NUDCD2: variants seen among roughly 807,000 people sequenced by gnomAD.
NUDCD2 encodes the protein NudC domain containing 2, also known as nudC domain-containing protein 2.
NUDCD2 carries 16 observed loss-of-function variants against 20.8 expected under a neutral mutation model. That is an observed-to-expected ratio of 0.77 (90% confidence interval 0.52 to 1.17). The LOEUF (loss-of-function observed/expected upper bound fraction) is 1.17. Among genes scored for constraint, NUDCD2 ranks in the 50% most tolerant of loss-of-function variants. The pLI is 0.00. For synonymous variants in NUDCD2, 87 were observed against 72.8 expected, an observed-to-expected ratio of 1.20 and a Z score of -1.00; for missense variants, 199 against 193.9, an observed-to-expected ratio of 1.03 and a Z score of -0.16.
intron 3 of NUDCD2, among the ~76,000 whole-genome samples, chr5:163,454,835 GA>G (rs1016106505): frequency 3.8e-4 from 57 of 151,662 alleles, no homozygotes; most frequent in African/African-American, 1.3e-3. Flanking sequence ...GAGGTATGTA[GA>G]ATTCAAGAGT....
chr5:163,455,722 C>G (rs756965612), intron 3 of NUDCD2, among the ~76,000 whole-genome samples: 42 of 145,004 alleles, frequency 2.9e-4, no homozygotes, highest in Non-Finnish European at 5.5e-4. Flanking sequence ...AGAGATCGCA[C>G]CACTCCATCT....
Position 163,447,223 on chromosome 5 carries a change from G to T in NUDCD2, c.*6744C>A. The T allele has an allele frequency of 6.5e-6, 1 of 152,810 alleles. No homozygotes were observed. The highest frequency in any genetic ancestry group is 1.9e-4 in the South Asian group (1 of 5,322). The allele number at this position is 152,810 out of a possible 1,614,324, so 9.5% of individuals were successfully genotyped here. A position where few individuals can be genotyped will look rare whatever the true frequency, so the allele number is the denominator to read the frequency against. ...TTCCAATGCTTTGGGAAGCCAAGGT[G>T]GGAGGATTGCTTGAGGCCAAGAGTT... is the stretch of plus-strand genomic sequence containing the variant. On this transcript the variant is annotated 3_prime_UTR_variant, in exon 4 of 4. Transcript: ENST00000302764.
At chr5:163,454,928 G>T (rs766232754) in intron 3 of NUDCD2, among the ~76,000 whole-genome samples, 3 of 152,202 alleles carry the variant, frequency 2.0e-5, no homozygotes, top group Admixed American at 2.0e-4. Flanking sequence ...CAGTACAGGG[G>T]CTGGCAGACT....
rs1581177939 is a variant in NUDCD2 at position 163,454,114 on chromosome 5, G to A, written c.391-64C>T. The A allele has an allele frequency of 3.8e-6, 3 of 783,010 alleles. No individual in the cohort carries two copies. The East Asian group carries it at 9.2e-5, about 24-fold the overall frequency. 48.5% of individuals were successfully genotyped at this position (783,010 alleles called of 1,614,324 possible). A position where few individuals can be genotyped will look rare whatever the true frequency, so the allele number is the denominator to read the frequency against. Reference sequence around the variant, plus strand: ...ATAAGGAAAAATACAAGTACAAACTGGCAATTGATAAAAAAGGATATATAA... The same window carrying A: ...ATAAGGAAAAATACAAGTACAAACTAGCAATTGATAAAAAAGGATATATAA... On this transcript the variant is annotated intron_variant, in intron 3 of 3. Coordinates refer to ENST00000302764, the MANE Select transcript of NUDCD2 (RefSeq NM_145266.6).
intron 3 of NUDCD2, among the ~76,000 whole-genome samples, chr5:163,455,043 C>T (rs985912670): frequency 6.6e-6 from 1 of 151,496 alleles, no homozygotes; most frequent in Non-Finnish European, 1.5e-5. Flanking sequence ...TGAGCATATA[C>T]GTATCCTAGA....
intron 3 of NUDCD2, among the ~76,000 whole-genome samples, chr5:163,454,757 C>G (rs756042639): frequency 6.6e-6 from 1 of 152,158 alleles, no homozygotes; most frequent in Non-Finnish European, 1.5e-5. Context: ...AGGCCTTAGT[C>G]TTTTTGGTGG....
rs1210814615 is a variant in NUDCD2 at position 163,452,481 on chromosome 5, C to A, written c.*1486G>T. 1 of 151,976 alleles carries A rather than the reference C, an allele frequency of 6.6e-6. No homozygotes were observed. The highest frequency in any genetic ancestry group is 1.5e-5 in the Non-Finnish European group (1 of 68,006). 9.4% of individuals were successfully genotyped at this position (151,976 alleles called of 1,614,324 possible). A position where few individuals can be genotyped will look rare whatever the true frequency, so the allele number is the denominator to read the frequency against. On this transcript the variant is annotated 3_prime_UTR_variant, in exon 4 of 4. Coordinates refer to ENST00000302764, the MANE Select transcript of NUDCD2 (RefSeq NM_145266.6). ...CAGCCAAATGTACAATAATTTTGAG[C>A]ACCAATGTAATGATAATAGGTTTTT...
chr5:163,456,335 A>G (rs1758309117), intron 3 of NUDCD2, among the ~76,000 whole-genome samples: 1 of 152,220 alleles, frequency 6.6e-6, no homozygotes. Flanking sequence ...AATAGAGAAA[A>G]ATGAAGAAAT....
In NUDCD2 at chr5:163,457,589, T is replaced by C. The variant is rs190479135; in HGVS notation, c.211A>G (p.Ile71Val). The C allele has an allele frequency of 5.7e-6, 9 of 1,583,324 alleles. No individual in the cohort carries two copies. In the Admixed American group the frequency reaches 8.3e-5, roughly 15 times the overall value. ...AAAGTCCATGTTCCCTCATCAGCTA[T>C]TGTAGAATCAAAGAGTTTGCCCTGA... The part of the protein sequence containing the change: ...ILKGKLFDST[I>V]ADEGTWTLED... The change falls in exon 2 of 4, where the codon ATA becomes GTA. Residue 71 changes from isoleucine to valine, a missense_variant. Physicochemically the swap from Ile to Val is conservative, Grantham distance 29. Coordinates refer to ENST00000302764, the MANE Select transcript of NUDCD2 (RefSeq NM_145266.6).
chr5:163,452,791 A>G lies in NUDCD2; in HGVS notation c.*1176T>C, dbSNP rs1045756007. 2.0e-5 allele frequency: 3 copies of G among 152,210 alleles called. No homozygotes were observed. Among genetic ancestry groups the G allele is most frequent in the African/African-American group, 7.2e-5 (3 of 41,460 alleles). The allele number at this position is 152,210 out of a possible 1,614,324, so 9.4% of individuals were successfully genotyped here. A position where few individuals can be genotyped will look rare whatever the true frequency, so the allele number is the denominator to read the frequency against. ...ATCATGAAGTATCAGACAGAACTCA[A>G]AATAAGGGGTGTTCTACAAAACTAG... On this transcript the variant is annotated 3_prime_UTR_variant, in exon 4 of 4. Coordinates refer to ENST00000302764, the MANE Select transcript of NUDCD2 (RefSeq NM_145266.6).
Position 163,460,025 on chromosome 5 carries a change from C to T in NUDCD2, c.26G>A (p.Ser9Asn). ...CGGGGTCCCGCACGGTACCACCCCACTCCGCTCCTCAAACGGGGCCGACAT... is the reference window on the plus strand; with the variant it reads ...CGGGGTCCCGCACGGTACCACCCCATTCCGCTCCTCAAACGGGGCCGACAT... MSAPFEER[S>N]GVVPCGTPWG... Residue 9 changes from serine (S) to asparagine (N), a missense_variant, in exon 1 of 4, where the codon AGT (serine) becomes AAT (asparagine). Physicochemically the swap from Ser to Asn is conservative, Grantham distance 46 (BLOSUM62 1). Transcript: ENST00000302764. 3 of 1,598,744 alleles carry T rather than the reference C, an allele frequency of 1.9e-6. No individual in the cohort carries two copies. Among genetic ancestry groups the T allele is most frequent in the Non-Finnish European group, 2.6e-6 (3 of 1,173,784 alleles).
intron 1 of NUDCD2, 24 bp downstream of exon 1, chr5:163,459,838 A>G: frequency 6.3e-7 from 1 of 1,575,172 alleles, no homozygotes; most frequent in South Asian, 1.2e-5. Flanking sequence ...AGGAAACTGA[A>G]CACAAGCCCC....
Position 163,452,083 on chromosome 5 carries a change from T to TA in NUDCD2, c.*1883dup, listed in dbSNP as rs1446794205. ...AAAAAAAACCCCACAAATAATCAAATAGGAATCAGGTTTCTCACTGGTACT... is the reference window on the plus strand; with the variant it reads ...AAAAAAAACCCCACAAATAATCAAATAAGGAATCAGGTTTCTCACTGGTACT... On this transcript the variant is annotated 3_prime_UTR_variant, in exon 4 of 4. Transcript: ENST00000302764. 1.3e-5 allele frequency: 2 copies of TA among 148,958 alleles called. No individual in the cohort carries two copies. Among genetic ancestry groups the TA allele is most frequent in the African/African-American group, 4.9e-5 (2 of 40,566 alleles). The allele number at this position is 148,958 out of a possible 1,614,324, so 9.2% of individuals were successfully genotyped here.
intron 3 of NUDCD2, among the ~76,000 whole-genome samples, chr5:163,455,621 G>T (rs1017280718): frequency 1.3e-5 from 2 of 152,034 alleles, no homozygotes; most frequent in Non-Finnish European, 2.9e-5. Context: ...AAAATTAGCC[G>T]TGCGTGGTGG....
chr5:163,456,356 TCAAAGG>T (rs1758309923), intron 3 of NUDCD2, among the ~76,000 whole-genome samples: 1 of 152,070 alleles, frequency 6.6e-6, no homozygotes, highest in Non-Finnish European at 1.5e-5. Context: ...CTAAATCATA[TCAAAGG>T]CAAACAGCCA....
chr5:163,447,135 C>G lies in NUDCD2; in HGVS notation c.*6832G>C, dbSNP rs190882275. On this transcript the variant is annotated 3_prime_UTR_variant, in exon 4 of 4. Coordinates refer to ENST00000302764, the MANE Select transcript of NUDCD2 (RefSeq NM_145266.6). Reference sequence around the variant, plus strand: ...CAAGACAGTGCTAAAAGTGTAAGCACTTATTATCAGATCTTAAAAATACAT... The same window carrying G: ...CAAGACAGTGCTAAAAGTGTAAGCAGTTATTATCAGATCTTAAAAATACAT... 2.9e-4 allele frequency: 44 copies of G among 152,126 alleles called. No homozygotes were observed. The highest frequency in any genetic ancestry group is 1.0e-3 in the African/African-American group (43 of 41,494). 9.4% of individuals were successfully genotyped at this position (152,126 alleles called of 1,614,324 possible). A position where few individuals can be genotyped will look rare whatever the true frequency, so the allele number is the denominator to read the frequency against.
rs1205746451 is a variant in NUDCD2 at position 163,446,982 on chromosome 5, G to A, written c.*6985C>T. On this transcript the variant is annotated 3_prime_UTR_variant, in exon 4 of 4. Coordinates refer to ENST00000302764, the MANE Select transcript of NUDCD2 (RefSeq NM_145266.6). ...GATCACACCACTGCTCTCCAACCTG[G>A]GCAACAGAGTGAGGCTCTTGTCTCA... is the stretch of plus-strand genomic sequence containing the variant. 6.6e-6 allele frequency: 1 copy of A among 152,136 alleles called. No homozygotes were observed. Among genetic ancestry groups the A allele is most frequent in the Non-Finnish European group, 1.5e-5 (1 of 68,044 alleles). The allele number at this position is 152,136 out of a possible 1,614,324, so 9.4% of individuals were successfully genotyped here. A position where few individuals can be genotyped will look rare whatever the true frequency, so the allele number is the denominator to read the frequency against.
chr5:163,456,544 A>C (rs1404281282), intron 3 of NUDCD2, among the ~76,000 whole-genome samples: 1 of 152,148 alleles, frequency 6.6e-6, no homozygotes, highest in Non-Finnish European at 1.5e-5. Flanking sequence ...AAACAAAACA[A>C]AACAAGCAAT....
rs561777324 is a variant in NUDCD2 at position 163,451,064 on chromosome 5, C to T, written c.*2903G>A. 2.0e-5 allele frequency: 3 copies of T among 152,196 alleles called. No homozygotes were observed. In the East Asian group the frequency reaches 5.8e-4, roughly 29 times the overall value. 9.4% of individuals were successfully genotyped at this position (152,196 alleles called of 1,614,324 possible). A position where few individuals can be genotyped will look rare whatever the true frequency, so the allele number is the denominator to read the frequency against. On this transcript the variant is annotated 3_prime_UTR_variant, in exon 4 of 4. Transcript: ENST00000302764. ...AGACCACGTATTATGATTCCATGTACATGAAATGTCCAGAATAAGGAAATC... is the reference window on the plus strand; with the variant it reads ...AGACCACGTATTATGATTCCATGTATATGAAATGTCCAGAATAAGGAAATC...
Sources: allele counts gnomAD v4.1 joint callset (sites outside exome capture counted in the v4.1 genomes callset), GRCh38; gene constraint gnomAD v4.1.1; transcripts MANE v1.5; gene names NCBI Gene and HGNC (gene_info 2026-07-23, HGNC 2026-07-21).